The following MYOM2 variants were observed in gnomAD, a reference collection of about 807,000 sequenced individuals.
MYOM2 encodes the protein myomesin 2, also known as myomesin-2.
In MYOM2, 254 loss-of-function variants were observed where a neutral mutation model predicts 187.6. That is an observed-to-expected ratio of 1.35 (90% CI 1.22 to 1.50). The LOEUF (loss-of-function observed/expected upper bound fraction) is 1.50, where lower values mean the gene tolerates loss of function less well. Among genes scored for constraint, MYOM2 ranks in the 40% most tolerant of loss-of-function variants. The pLI, the probability that MYOM2 is intolerant of heterozygous loss-of-function variation, is 0.00. For missense variants in MYOM2, 2,796 were observed against 1,924.0 expected (o/e 1.45, Z -8.48); for synonymous variants, 981 against 753.8 (o/e 1.30, Z -4.94).
chr8:2,085,261 A>G lies in MYOM2; in HGVS notation c.1517-2A>G, dbSNP rs781268987. ...CACTCACCGAATTTATTATTCCTCCAGGTGACGCCCAGGTTCCAGGGCCTC... is the reference window on the plus strand; with the variant it reads ...CACTCACCGAATTTATTATTCCTCCGGGTGACGCCCAGGTTCCAGGGCCTC... On this transcript the variant is annotated splice_acceptor_variant, in intron 13 of 36. Coordinates refer to ENST00000262113, the MANE Select transcript of MYOM2 (RefSeq NM_003970.4). LOFTEE classifies it high-confidence loss of function. 2 of 1,613,934 alleles carry G rather than the reference A, an allele frequency of 1.2e-6. No individual in the cohort carries two copies. The highest frequency in any genetic ancestry group is 1.7e-6 in the Non-Finnish European group (2 of 1,179,900).
Position 2,069,199 on chromosome 8 carries a change from G to A in MYOM2, c.654-79G>A. 2.9e-6 allele frequency: 4 copies of A among 1,375,500 alleles called. No individual in the cohort carries two copies. In the South Asian group the frequency reaches 5.2e-5, roughly 18 times the overall value. 85.2% of individuals were successfully genotyped at this position (1,375,500 alleles called of 1,614,324 possible). A position where few individuals can be genotyped will look rare whatever the true frequency, so the allele number is the denominator to read the frequency against. Reference sequence around the variant, plus strand: ...ACCACGCCATGTGATTTGCTTTCGAGGAATGCTTTTGTGCAATTCGGGTCA... The same window carrying A: ...ACCACGCCATGTGATTTGCTTTCGAAGAATGCTTTTGTGCAATTCGGGTCA... On this transcript the variant is annotated intron_variant, in intron 6 of 36. Transcript: ENST00000262113.
intron 23 of MYOM2, 89 bp downstream of exon 23, chr8:2,106,686 G>GA (rs33927116): frequency 0.39 from 368,616 of 937,126 alleles, 83,246 homozygotes; most frequent in African/African-American, 0.8. Flanking sequence ...TACTTGCTTA[G>GA]AAAAAAGACG....
chr8:2,136,026 C>G (rs1055781337), intron 32 of MYOM2, among the ~76,000 whole-genome samples: 4 of 152,198 alleles, frequency 2.6e-5, no homozygotes, highest in Admixed American at 6.5e-5. Flanking sequence ...CAGCGGGAGC[C>G]TCTGCTGGAA....
chr8:2,054,214 G>A (rs1818583440), intron 3 of MYOM2, among the ~76,000 whole-genome samples: 1 of 152,226 alleles, frequency 6.6e-6, no homozygotes, highest in Non-Finnish European at 1.5e-5. Flanking sequence ...TGGGCTCACT[G>A]ATGTGAGTTA....
At chr8:2,078,670 T>C in intron 11 of MYOM2, 64 bp from the exon 12 acceptor site, 2 of 1,448,622 alleles carry the variant, frequency 1.4e-6, no homozygotes, top group Non-Finnish European at 1.9e-6. Flanking sequence ...TGCATATACC[T>C]ATGTATATTT....
At chr8:2,096,187 C>T (rs753972693) in intron 17 of MYOM2, 60 bp from the exon 18 acceptor site, 82 of 1,539,020 alleles carry the variant, frequency 5.3e-5, no homozygotes, top group African/African-American at 1.8e-4. Context: ...AGCTGGCTGC[C>T]CCGGGGACAA....
intron 10 of MYOM2, 118 bp downstream of exon 10, chr8:2,073,618 C>A (rs954283122): frequency 1.5e-5 from 18 of 1,231,366 alleles, no homozygotes; most frequent in Non-Finnish European, 3.3e-6. Context: ...CCACTTTGCT[C>A]CTTGGAGACC....
intron 25 of MYOM2, among the ~76,000 whole-genome samples, chr8:2,110,299 G>A (rs1410711610): frequency 6.6e-6 from 1 of 152,134 alleles, no homozygotes; most frequent in Non-Finnish European, 1.5e-5. Flanking sequence ...CTCTAGCCTG[G>A]GAGACAGCAA....
At chr8:2,136,883 C>T (rs182809971) in intron 32 of MYOM2, among the ~76,000 whole-genome samples, 5 of 152,314 alleles carry the variant, frequency 3.3e-5, no homozygotes, top group Non-Finnish European at 4.4e-5. Context: ...GGCTAAAACG[C>T]TGCCACTTCA....
intron 27 of MYOM2, among the ~76,000 whole-genome samples, chr8:2,116,882 C>T (rs532648813): frequency 8.9e-4 from 135 of 152,162 alleles, no homozygotes; most frequent in African/African-American, 2.9e-3. Flanking sequence ...CTCAGCCTCC[C>T]GAATAGCTGG....
At chr8:2,059,773 G>A (rs1023020121) in intron 6 of MYOM2, among the ~76,000 whole-genome samples, 2 of 129,942 alleles carry the variant, frequency 1.5e-5, no homozygotes, top group East Asian at 2.2e-4. Context: ...GCAGAGTTTC[G>A]CTCTTGTTGC....
intron 32 of MYOM2, among the ~76,000 whole-genome samples, chr8:2,136,778 A>T (rs1377428640): frequency 6.6e-6 from 1 of 152,166 alleles, no homozygotes. Flanking sequence ...AAATAAAATT[A>T]TGTTTCTTTT....
intron 13 of MYOM2, among the ~76,000 whole-genome samples, chr8:2,083,251 C>T (rs139552405): frequency 6.6e-6 from 1 of 151,824 alleles, no homozygotes; most frequent in Non-Finnish European, 1.5e-5. Context: ...AGGGCAGCAT[C>T]AGTGCCCTGG....
At chr8:2,067,800 G>A (rs564291813) in intron 6 of MYOM2, among the ~76,000 whole-genome samples, 4 of 152,106 alleles carry the variant, frequency 2.6e-5, no homozygotes, top group African/African-American at 9.7e-5. Context: ...CAGTGTCTCA[G>A]GTGGAGTCCA....
At chr8:2,111,192 G>A (rs899656178) in intron 25 of MYOM2, among the ~76,000 whole-genome samples, 1 of 152,160 alleles carries the variant, frequency 6.6e-6, no homozygotes, top group Non-Finnish European at 1.5e-5. Context: ...TAATCTTTTG[G>A]AATATGGTTG....
At chr8:2,099,340 G>A (rs190912407) in intron 19 of MYOM2, among the ~76,000 whole-genome samples, 25 of 152,316 alleles carry the variant, frequency 1.6e-4, no homozygotes, top group Admixed American at 1.6e-3. Flanking sequence ...AAAGGAGCAG[G>A]CAGAGAGGGT....
intron 6 of MYOM2, among the ~76,000 whole-genome samples, chr8:2,065,791 G>A (rs927981307): frequency 1.3e-5 from 2 of 152,142 alleles, no homozygotes; most frequent in East Asian, 1.9e-4. Flanking sequence ...CTGAGGCCCC[G>A]GTACCCATGA....
At chr8:2,138,132 G>A (rs1044949621) in intron 32 of MYOM2, among the ~76,000 whole-genome samples, 7 of 152,200 alleles carry the variant, frequency 4.6e-5, no homozygotes, top group African/African-American at 1.2e-4. Context: ...CTCACAGGAC[G>A]GCTGGTGTGG....
intron 12 of MYOM2, 141 bp downstream of exon 12, chr8:2,079,074 C>T (rs890756307): frequency 4.1e-5 from 30 of 731,062 alleles, no homozygotes; most frequent in African/African-American, 8.8e-5. Context: ...GCTGTTACAA[C>T]GTTCTCTGAC....
Sources: gnomAD v4.1 joint callset for allele counts (sites outside exome capture counted in the v4.1 genomes callset) on GRCh38, gnomAD v4.1.1 for gene constraint, MANE v1.5 for transcripts, NCBI Gene and HGNC (gene_info 2026-07-23, HGNC 2026-07-21) for gene names.